MBP: variants seen among roughly 807,000 people sequenced by gnomAD.
The protein encoded by MBP is myelin basic protein, also known as Golli-MBP.
MBP carries 16 observed loss-of-function variants against 35.8 expected under a neutral mutation model. The observed-to-expected ratio is 0.45, with a 90% CI of 0.30 to 0.68. The LOEUF (loss-of-function observed/expected upper bound fraction) is 0.68, where lower values mean the gene tolerates loss of function less well. MBP is among the 30% of genes least tolerant of loss of function. The probability of loss-of-function intolerance (pLI) is 0.08; values close to 1 mark genes in which losing one functional copy is unlikely to be tolerated. For synonymous variants in MBP, 143 were observed against 159.6 expected, an observed-to-expected ratio of 0.90 and a Z score of 0.78; for missense variants, 380 against 404.7, an observed-to-expected ratio of 0.94 and a Z score of 0.52.
intron 3 of MBP, among the ~76,000 whole-genome samples, chr18:77,055,121 G>A (rs1334901353): frequency 6.6e-6 from 1 of 152,228 alleles, no homozygotes; most frequent in East Asian, 1.9e-4. Flanking sequence ...CAGAGGAACG[G>A]CAGCGCCGCC....
intron 4 of MBP, among the ~76,000 whole-genome samples, chr18:77,001,427 G>A (rs1053308728): frequency 2.0e-5 from 3 of 152,274 alleles, no homozygotes; most frequent in African/African-American, 7.2e-5. Flanking sequence ...GAGCCTGCCA[G>A]GGTACCCACG....
intron 3 of MBP, among the ~76,000 whole-genome samples, chr18:77,049,990 T>C (rs1273710333): frequency 6.6e-6 from 1 of 152,186 alleles, no homozygotes; most frequent in Non-Finnish European, 1.5e-5. Context: ...CTAATGATCA[T>C]TTTAAACTCC....
intron 8 of MBP, chr18:76,984,025 G>C (rs1969379060): frequency 6.6e-6 from 1 of 152,184 alleles, no homozygotes; most frequent in African/African-American, 2.4e-5. Flanking sequence ...TTGGCTTCAC[G>C]GTTCCCTCCC....
At chr18:76,993,743 G>T (rs963333568) in intron 4 of MBP, among the ~76,000 whole-genome samples, 8 of 152,132 alleles carry the variant, frequency 5.3e-5, no homozygotes, top group African/African-American at 1.2e-4. Flanking sequence ...GGCCACTGGC[G>T]CTCTGCCTGT....
chr18:77,118,683 CCA>C (rs1275373043), intron 1 of MBP, among the ~76,000 whole-genome samples: 6 of 145,154 alleles, frequency 4.1e-5, no homozygotes, highest in East Asian at 2.1e-4. Context: ...CACACACACA[CCA>C]CACACACACT....
At chr18:77,024,374 G>A (rs1330668256) in intron 3 of MBP, among the ~76,000 whole-genome samples, 1 of 152,210 alleles carries the variant, frequency 6.6e-6, no homozygotes, top group Non-Finnish European at 1.5e-5. Context: ...AAAGAATTCT[G>A]TTTAGAAATT....
intron 3 of MBP, among the ~76,000 whole-genome samples, chr18:77,058,246 A>G (rs1457564164): frequency 1.3e-5 from 2 of 152,026 alleles, no homozygotes; most frequent in African/African-American, 2.4e-5. Flanking sequence ...GGATGCGGGG[A>G]TGCGGGGATG....
Position 77,066,343 on chromosome 18 carries a change from G to C in MBP, c.94C>G (p.Leu32Val). ...GAGGTTGTCCGTGAAAGTTCACCCA[G>C]GTTTCTCTTTTTTTCAGATTCTCCT... The part of the protein sequence containing the change: ...NRGESEKKRN[L>V]GELSRTTSED... Residue 32 changes from leucine (L) to valine (V), a missense_variant, in exon 3 of 9, where the codon CTG (leucine) becomes GTG (valine). Physicochemically the swap from Leu to Val is conservative, Grantham distance 32. Transcript: ENST00000355994. The C allele has an allele frequency of 6.2e-7, 1 of 1,614,088 alleles. No homozygotes were observed. The highest frequency in any genetic ancestry group is 1.7e-5 in the Admixed American group (1 of 60,006).
At chr18:76,997,846 T>A (rs573760416) in intron 4 of MBP, among the ~76,000 whole-genome samples, 11 of 151,814 alleles carry the variant, frequency 7.2e-5, no homozygotes, top group African/African-American at 2.7e-4. Flanking sequence ...CACGCCCGGC[T>A]GATTTTTTTG....
intron 4 of MBP, among the ~76,000 whole-genome samples, chr18:76,993,550 C>CAAAA (rs60296914): frequency 9.7e-5 from 11 of 112,826 alleles, no homozygotes; most frequent in Non-Finnish European, 2.1e-4. Context: ...ACTTTGTCTC[C>CAAAA]AAAAAAAAAA....
At chr18:77,005,906 G>A (rs1970941614) in intron 4 of MBP, 1 of 152,264 alleles carries the variant, frequency 6.6e-6, no homozygotes. Context: ...CCTTTGCATT[G>A]CTTTTCTTGC....
intron 2 of MBP, among the ~76,000 whole-genome samples, chr18:77,066,979 G>T (rs758730906): frequency 7.2e-5 from 11 of 152,228 alleles, no homozygotes; most frequent in African/African-American, 9.6e-5. Context: ...GCCTCCCTTT[G>T]CCTGTCGTTT....
intron 3 of MBP, among the ~76,000 whole-genome samples, chr18:77,021,043 A>G (rs1971967098): frequency 6.6e-6 from 1 of 152,196 alleles, no homozygotes; most frequent in Non-Finnish European, 1.5e-5. Flanking sequence ...TAAGTTGTTA[A>G]ACTAAATGTC....
chr18:77,079,808 T>C (rs1009564486), intron 2 of MBP, among the ~76,000 whole-genome samples: 2 of 152,192 alleles, frequency 1.3e-5, no homozygotes, highest in Admixed American at 1.3e-4. Flanking sequence ...TCAGGTTCTG[T>C]GTGGGTTGGT....
intron 4 of MBP, chr18:77,015,264 C>T: frequency 3.1e-6 from 3 of 968,910 alleles, no homozygotes; most frequent in Non-Finnish European, 3.7e-6. Flanking sequence ...AGTTTAAGTA[C>T]ATTTTTTTTT....
In MBP at chr18:77,040,350, A is replaced by G. The variant is rs575467678; in HGVS notation, c.140-23082T>C. Among the ~76,000 whole-genome samples, 7 of 152,334 alleles carry G rather than the reference A, an allele frequency of 4.6e-5. No homozygotes were observed. In the South Asian group the frequency reaches 6.2e-4, roughly 14 times the overall value. On this transcript the variant is annotated intron_variant, in intron 3 of 8. Coordinates refer to ENST00000355994, the MANE Select transcript of MBP (RefSeq NM_001025101.2). ...GAATCAATATCGTGAAAATGGCCAT[A>G]CTGCTCAAGGTAATTTATAGATTCA...
rs570526272 is a variant in MBP at position 77,069,090 on chromosome 18, C to G, written c.52-2705G>C. 1,744 of 457,468 alleles carry G rather than the reference C, an allele frequency of 3.8e-3. 20 individuals are homozygous for G. Among genetic ancestry groups the G allele is most frequent in the Middle Eastern group, 0.018 (55 of 3,078 alleles). 28.3% of individuals were successfully genotyped at this position (457,468 alleles called of 1,614,324 possible). On this transcript the variant is annotated intron_variant, in intron 2 of 8. Transcript: ENST00000355994. Reference sequence around the variant, plus strand: ...TCCCAGAACAGTCCATTGTTTTATTCCCCTCCCTGTGATGCGGTGAATACT... The same window carrying G: ...TCCCAGAACAGTCCATTGTTTTATTGCCCTCCCTGTGATGCGGTGAATACT...
intron 2 of MBP, among the ~76,000 whole-genome samples, chr18:77,089,725 G>A (rs888075745): frequency 1.3e-5 from 2 of 152,236 alleles, no homozygotes; most frequent in East Asian, 1.9e-4. Context: ...CCATCCTGCC[G>A]TGACTTTTAC....
At chr18:77,051,138 G>T (rs7232346) in intron 3 of MBP, among the ~76,000 whole-genome samples, 31,208 of 152,142 alleles carry the variant, frequency 0.21, 3,667 homozygotes, top group South Asian at 0.32. Flanking sequence ...TCCTGTCAGA[G>T]GAAGAAAGGC....
Sources: allele counts gnomAD v4.1 joint callset (sites outside exome capture counted in the v4.1 genomes callset), GRCh38; gene constraint gnomAD v4.1.1; transcripts MANE v1.5; gene names NCBI Gene and HGNC (gene_info 2026-07-23, HGNC 2026-07-21).